C12orf50: variants seen among roughly 807,000 people sequenced by gnomAD.
The protein encoded by C12orf50 is uncharacterized protein C12orf50.
In C12orf50, 35 loss-of-function variants were observed where a neutral mutation model predicts 61.6. The ratio of observed to expected loss-of-function variants is 0.57; its 90% CI spans 0.43 to 0.75. The LOEUF (loss-of-function observed/expected upper bound fraction) is 0.75, where lower values mean the gene tolerates loss of function less well. Ranked by LOEUF, C12orf50 falls within the 30% of genes least tolerant of loss-of-function variation. C12orf50 has a pLI of 0.00. For synonymous variants in C12orf50, 178 were observed against 161.5 expected, an observed-to-expected ratio of 1.10 and a Z score of -0.77; for missense variants, 475 against 488.5, an observed-to-expected ratio of 0.97 and a Z score of 0.26.
chr12:87,981,085 A>G (rs896890921), intron 12 of C12orf50, among the ~76,000 whole-genome samples: 2 of 152,222 alleles, frequency 1.3e-5, no homozygotes, highest in African/African-American at 4.8e-5. Context: ...AAACTATTTC[A>G]TTATAAAATC....
At chr12:87,980,625 G>C (rs773371007) in intron 12 of C12orf50, among the ~76,000 whole-genome samples, 1 of 152,070 alleles carries the variant, frequency 6.6e-6, no homozygotes, top group Non-Finnish European at 1.5e-5. Flanking sequence ...TGAACAGAAC[G>C]AAGGCTCCAT....
chr12:88,000,253 G>A (rs1786110278), intron 3 of C12orf50, among the ~76,000 whole-genome samples: 1 of 152,026 alleles, frequency 6.6e-6, no homozygotes, highest in Admixed American at 6.6e-5. Context: ...TGACTATCTA[G>A]TTGTCTTAGC....
Position 87,986,359 on chromosome 12 carries a change from C to A in C12orf50, c.875G>T (p.Trp292Leu). ...AAAGTTCTGTGGTTCATCATAAATC[C>A]ATTTTCTTTTCTTCACACCTTTAAA... The part of the protein sequence containing the change: ...PHFKGVKKRK[W>L]IYDEPQNFPN... Residue 292 changes from tryptophan (W) to leucine (L), a missense_variant, in exon 10 of 13, where the codon TGG becomes TTG. By Grantham distance (61) the Trp-to-Leu change is moderately conservative. Coordinates refer to ENST00000298699, the MANE Select transcript of C12orf50 (RefSeq NM_152589.3). The A allele has an allele frequency of 6.2e-7, 1 of 1,611,770 alleles. No individual in the cohort carries two copies. Among genetic ancestry groups the A allele is most frequent in the South Asian group, 1.1e-5 (1 of 90,836 alleles).
intron 3 of C12orf50, among the ~76,000 whole-genome samples, chr12:88,016,097 A>G (rs1464318017): frequency 6.6e-6 from 1 of 152,106 alleles, no homozygotes; most frequent in East Asian, 1.9e-4. Flanking sequence ...TCTACTTAAT[A>G]TGGACTATGT....
At chr12:88,000,731 G>A (rs1018310545) in intron 3 of C12orf50, among the ~76,000 whole-genome samples, 4 of 151,318 alleles carry the variant, frequency 2.6e-5, no homozygotes, top group African/African-American at 7.3e-5. Context: ...TGTAGTTTTC[G>A]AATATAAACT....
intron 3 of C12orf50, among the ~76,000 whole-genome samples, chr12:88,011,882 G>A (rs1181259489): frequency 1.3e-5 from 2 of 152,070 alleles, no homozygotes; most frequent in Non-Finnish European, 2.9e-5. Flanking sequence ...AATTGAGTTG[G>A]GTTTCTCTCC....
intron 12 of C12orf50, among the ~76,000 whole-genome samples, chr12:87,981,738 C>T (rs1207403056): frequency 6.6e-6 from 1 of 152,066 alleles, no homozygotes; most frequent in African/African-American, 2.4e-5. Context: ...CCTTCTCCCA[C>T]TTGAGGCTCA....
upstream of C12orf50, chr12:88,029,472 A>G (rs1270991095): frequency 6.5e-6 from 1 of 154,762 alleles, no homozygotes; most frequent in African/African-American, 2.4e-5. Context: ...ACTGCAGGCC[A>G]ATGTTCACTC....
chr12:88,024,747 C>T (rs1297004196), intron 3 of C12orf50, among the ~76,000 whole-genome samples: 1 of 152,016 alleles, frequency 6.6e-6, no homozygotes, highest in African/African-American at 2.4e-5. Context: ...AACAATCCTG[C>T]ACATGTACCC....
intron 12 of C12orf50, among the ~76,000 whole-genome samples, chr12:87,981,027 A>G (rs573512702): frequency 6.6e-6 from 1 of 152,316 alleles, no homozygotes; most frequent in South Asian, 2.1e-4. Context: ...TGGGAAGGAT[A>G]AGCATTGTGA....
intron 1 of C12orf50, among the ~76,000 whole-genome samples, chr12:88,028,552 C>T (rs2032788852): frequency 6.6e-6 from 1 of 151,804 alleles, no homozygotes; most frequent in African/African-American, 2.4e-5. Context: ...TATTAATTTT[C>T]TTTTTTAATG....
Position 87,980,278 on chromosome 12 carries a change from T to C in C12orf50, c.*53A>G. ...TTGAATTTTCATTTTTGATTGTAAA[T>C]CAGATGATGTCTGGCAATTTTTTCT... On this transcript the variant is annotated 3_prime_UTR_variant, in exon 13 of 13. Coordinates refer to ENST00000298699, the MANE Select transcript of C12orf50 (RefSeq NM_152589.3). 6.5e-7 allele frequency: 1 copy of C among 1,539,918 alleles called. No homozygotes were observed. Among genetic ancestry groups the C allele is most frequent in the Non-Finnish European group, 8.9e-7 (1 of 1,117,672 alleles).
chr12:88,019,812 C>T (rs991733158), intron 3 of C12orf50, among the ~76,000 whole-genome samples: 8 of 151,942 alleles, frequency 5.3e-5, no homozygotes, highest in South Asian at 2.1e-4. Context: ...ACCTACAAAG[C>T]GAAGTCCATC....
intron 3 of C12orf50, among the ~76,000 whole-genome samples, chr12:88,022,023 G>A (rs1208423619): frequency 1.3e-5 from 2 of 151,450 alleles, no homozygotes; most frequent in Non-Finnish European, 2.9e-5. Context: ...ACCAAAATGT[G>A]GCAGAAAGAA....
intron 3 of C12orf50, among the ~76,000 whole-genome samples, chr12:88,019,043 G>A (rs1425686418): frequency 2.0e-5 from 3 of 152,122 alleles, no homozygotes; most frequent in African/African-American, 4.8e-5. Context: ...AGCATGATTG[G>A]TTTTAAATGT....
rs141825213 is a variant in C12orf50, at chr12:88,016,634, G to T, written c.133+9854C>A. Among the ~76,000 whole-genome samples, 82 of 152,324 alleles carry T rather than the reference G, an allele frequency of 5.4e-4. 1 individual carries two copies. Among genetic ancestry groups the T allele is most frequent in the African/African-American group, 2.0e-3 (82 of 41,580 alleles). ...TCAAGCAGCGGGAAAATAGTTAACA[G>T]ATTTAACATAAATAAATGCTGTTCA... On this transcript the variant is annotated intron_variant, in intron 3 of 12. Coordinates refer to ENST00000298699, the MANE Select transcript of C12orf50 (RefSeq NM_152589.3).
chr12:88,026,317 T>G (rs1476081339), intron 3 of C12orf50, among the ~76,000 whole-genome samples, 171 bp downstream of exon 3: 1 of 152,238 alleles, frequency 6.6e-6, no homozygotes, highest in Non-Finnish European at 1.5e-5. Context: ...AGTTACTTAA[T>G]GGTTCATTCT....
intron 4 of C12orf50, among the ~76,000 whole-genome samples, chr12:87,997,737 T>C (rs1028299453): frequency 6.6e-6 from 1 of 152,182 alleles, no homozygotes; most frequent in Non-Finnish European, 1.5e-5. Flanking sequence ...GCAAAGGACA[T>C]GAACTCATCC....
At chr12:88,009,747 A>T (rs2032026836) in intron 3 of C12orf50, among the ~76,000 whole-genome samples, 1 of 152,120 alleles carries the variant, frequency 6.6e-6, no homozygotes, top group Non-Finnish European at 1.5e-5. Context: ...TCAAGTATTG[A>T]CTTCAGGTCT....
Sources: gnomAD v4.1 joint callset for allele counts (sites outside exome capture counted in the v4.1 genomes callset) on GRCh38, gnomAD v4.1.1 for gene constraint, MANE v1.5 for transcripts, NCBI Gene and HGNC (gene_info 2026-07-23, HGNC 2026-07-21) for gene names.